Variants in CDC25C observed in about 807,000 individuals in gnomAD.
CDC25C encodes the protein M-phase inducer phosphatase 3.
A neutral mutation model predicts 52.5 loss-of-function variants in CDC25C; 48 were observed. That is an observed-to-expected ratio of 0.91 (90% CI 0.72 to 1.16). The LOEUF (loss-of-function observed/expected upper bound fraction) is 1.16. CDC25C is among the 50% of genes most tolerant of loss of function. The probability of loss-of-function intolerance (pLI) is 0.00; values close to 1 mark genes in which losing one functional copy is unlikely to be tolerated. For synonymous variants in CDC25C, 187 were observed against 206.5 expected (o/e 0.91, Z 0.81); for missense variants, 510 against 566.1 (o/e 0.90, Z 1.01).
At chr5:138,324,720 T>G (rs1482744960) in intron 6 of CDC25C, among the ~76,000 whole-genome samples, 8 of 151,586 alleles carry the variant, frequency 5.3e-5, no homozygotes. Flanking sequence ...ATTGCACCAC[T>G]GCACTCCACC....
At chr5:138,329,726 C>CTTTTTT (rs71574413) in intron 2 of CDC25C, 79 bp from the exon 3 acceptor site, 193 of 293,644 alleles carry the variant, frequency 6.6e-4, no homozygotes, top group African/African-American at 1.7e-3. Context: ...TCATCCTCTT[C>CTTTTTT]TTTTTTTTTT....
chr5:138,290,818 G>A (rs1208398915), intron 8 of CDC25C, 78 bp from the exon 9 acceptor site: 22 of 863,884 alleles, frequency 2.5e-5, no homozygotes, highest in Middle Eastern at 2.2e-4. Flanking sequence ...AGTGGGCCAT[G>A]GTGGCGCACA....
At chr5:138,291,791 T>G (rs1756740515) in intron 8 of CDC25C, among the ~76,000 whole-genome samples, 179 bp downstream of exon 8, 1 of 150,192 alleles carries the variant, frequency 6.7e-6, no homozygotes, top group African/African-American at 2.4e-5. Context: ...TTTATATATA[T>G]ATATATATTT....
In CDC25C at chr5:138,286,109, G is replaced by A. The variant is rs1237522538; in HGVS notation, c.1185C>T (p.Asp395=). The A allele has an allele frequency of 3.1e-6, 5 of 1,613,812 alleles. No homozygotes were observed. The highest frequency in any genetic ancestry group is 2.7e-5 in the African/African-American group (2 of 74,912). The change falls in exon 13 of 14, where the codon GAC becomes GAT. Residue 395 remains aspartate (D), a synonymous_variant. Transcript: ENST00000323760. ...PRMCRCLREE[D]RSLNQYPALY... ...ATGCAGGATACTGGTTCAGAGACCT[G>A]TCCTCTTCACGCAGACAGCGGCACC...
intron 7 of CDC25C, among the ~76,000 whole-genome samples, chr5:138,305,263 C>T (rs936910085): frequency 6.6e-6 from 1 of 152,244 alleles, no homozygotes; most frequent in Non-Finnish European, 1.5e-5. Flanking sequence ...GAGTTCATCA[C>T]CCGATTCTTA....
chr5:138,323,871 T>C (rs879430330), intron 6 of CDC25C, among the ~76,000 whole-genome samples: 1 of 149,332 alleles, frequency 6.7e-6, no homozygotes, highest in Non-Finnish European at 1.5e-5. Flanking sequence ...GGCAAGAGAA[T>C]CTCTTGAACC....
intron 7 of CDC25C, among the ~76,000 whole-genome samples, chr5:138,299,615 C>T (rs916819338): frequency 1.3e-4 from 19 of 149,936 alleles, no homozygotes; most frequent in African/African-American, 4.7e-4. Context: ...TGAATGAAAA[C>T]TAAGATACAA....
chr5:138,336,155 CAG>C (rs1035354059), upstream of CDC25C, among the ~76,000 whole-genome samples: 6 of 143,516 alleles, frequency 4.2e-5, no homozygotes, highest in African/African-American at 1.0e-4. Context: ...TTTTTTGAGA[CAG>C]AGTCTCATTC....
At chr5:138,299,881 TA>T (rs901197275) in intron 7 of CDC25C, among the ~76,000 whole-genome samples, 9 of 151,468 alleles carry the variant, frequency 5.9e-5, no homozygotes, top group Admixed American at 2.6e-4. Context: ...CCTGAACAAT[TA>T]AAAAAAAGTC....
Position 138,290,694 on chromosome 5 carries a change from G to A in CDC25C, c.809C>T (p.Thr270Ile). ...GTTAGAATCTTCCTCCAGCATCTGA[G>A]TGATAGTAATGTCACACAGAGAGAC... is the stretch of plus-strand genomic sequence containing the variant. ...KTVSLCDITI[T>I]QMLEEDSNQG... Residue 270 changes from threonine to isoleucine, a missense_variant, in exon 9 of 14, where the codon ACT (threonine) becomes ATT (isoleucine). Thr to Ile is a moderately conservative substitution (Grantham distance 89, BLOSUM62 -1). Coordinates refer to ENST00000323760, the MANE Select transcript of CDC25C (RefSeq NM_001790.5). 6.2e-7 allele frequency: 1 copy of A among 1,612,690 alleles called. No homozygotes were observed. The highest frequency in any genetic ancestry group is 8.5e-7 in the Non-Finnish European group (1 of 1,178,720).
In CDC25C at chr5:138,287,221, A is replaced by C. The variant is rs755276121; in HGVS notation, c.974T>G (p.Phe325Cys). Reference protein sequence around the residue: ...SGKFQGLIEKFYVIDCRYPYE... With the variant: ...SGKFQGLIEKCYVIDCRYPYE... ...TGGATAGCGACAATCAATGACATAA[A>C]ACTTCTCAATCAGACCCTGGAACTT... Residue 325 changes from phenylalanine to cysteine, a missense_variant, in exon 11 of 14, where the codon TTT becomes TGT. By Grantham distance (205) the Phe-to-Cys change is radical. Coordinates refer to ENST00000323760, the MANE Select transcript of CDC25C (RefSeq NM_001790.5). 1.4e-5 allele frequency: 23 copies of C among 1,613,988 alleles called. No individual in the cohort carries two copies. The highest frequency in any genetic ancestry group is 5.0e-5 in the Admixed American group (3 of 59,992).
intron 7 of CDC25C, among the ~76,000 whole-genome samples, chr5:138,301,555 A>G (rs1007923119): frequency 1.4e-5 from 2 of 144,912 alleles, no homozygotes; most frequent in African/African-American, 4.9e-5. Context: ...ACTCTTCCAG[A>G]AAATTGAAAA....
At chr5:138,333,629 T>G (rs1180135456), upstream of CDC25C, 1 of 152,202 alleles carries the variant, frequency 6.6e-6, no homozygotes, top group African/African-American at 2.4e-5. Flanking sequence ...AATTGTATAC[T>G]TCCCTGCAGG....
At chr5:138,306,419 A>T (rs902120340) in intron 7 of CDC25C, among the ~76,000 whole-genome samples, 1 of 152,060 alleles carries the variant, frequency 6.6e-6, no homozygotes, top group Admixed American at 6.6e-5. Context: ...AGGTTACGAC[A>T]ATCTCCAAGG....
At chr5:138,300,188 G>C (rs1296334994) in intron 7 of CDC25C, among the ~76,000 whole-genome samples, 3 of 152,044 alleles carry the variant, frequency 2.0e-5, no homozygotes, top group African/African-American at 4.8e-5. Context: ...CAAAACAAAA[G>C]ACTGAAACCA....
intron 11 of CDC25C, 103 bp downstream of exon 11, chr5:138,287,066 T>C: frequency 1.4e-6 from 1 of 738,520 alleles, no homozygotes; most frequent in East Asian, 2.5e-5. Flanking sequence ...ATATGTAATC[T>C]TTGTCCTGAC....
At chr5:138,307,196 G>A (rs916355563) in intron 7 of CDC25C, among the ~76,000 whole-genome samples, 2 of 151,974 alleles carry the variant, frequency 1.3e-5, no homozygotes, top group East Asian at 1.9e-4. Flanking sequence ...CTTATAGGAT[G>A]GGCCATCAAT....
At chr5:138,298,394 G>A (rs1015975427) in intron 7 of CDC25C, among the ~76,000 whole-genome samples, 6 of 151,994 alleles carry the variant, frequency 3.9e-5, no homozygotes, top group African/African-American at 1.5e-4. Context: ...CCCAACAACC[G>A]TAGAATACAC....
intron 7 of CDC25C, among the ~76,000 whole-genome samples, chr5:138,314,011 T>TTTTTTA (rs1758675263): frequency 8.9e-6 from 1 of 112,774 alleles, no homozygotes; most frequent in Non-Finnish European, 2.0e-5. Context: ...TTTTTTTTTT[T>TTTTTTA]GAGATGGAGT....
Sources: gnomAD v4.1 joint callset for allele counts (sites outside exome capture counted in the v4.1 genomes callset) on GRCh38, gnomAD v4.1.1 for gene constraint, MANE v1.5 for transcripts, NCBI Gene and HGNC (gene_info 2026-07-23, HGNC 2026-07-21) for gene names.